The following AKAP13 variants were observed in gnomAD, a reference collection of about 807,000 sequenced individuals.
The protein encoded by AKAP13 is A-kinase anchor protein 13.
A neutral mutation model predicts 264.5 loss-of-function variants in AKAP13; 80 were observed. That is an observed-to-expected ratio of 0.30 (90% CI 0.25 to 0.36). AKAP13 has a LOEUF of 0.36. Among genes scored for constraint, AKAP13 ranks in the 10% least tolerant of loss-of-function variants. AKAP13 has a pLI of 1.00. For synonymous variants in AKAP13, 1,380 were observed against 1,250.2 expected, an observed-to-expected ratio of 1.10 and a Z score of -2.19; for missense variants, 3,712 against 3,435.2, an observed-to-expected ratio of 1.08 and a Z score of -2.01.
Position 85,615,848 on chromosome 15 carries a change from G to A in AKAP13, c.4162-23526G>A, listed in dbSNP as rs187771275. On this transcript the variant is annotated intron_variant, in intron 8 of 36. Transcript: ENST00000394518. ...GCAGTATATAATATTAGAGCAAGAAGGATCTTCAGATATGACCTAGCGTTG... is the reference window on the plus strand; with the variant it reads ...GCAGTATATAATATTAGAGCAAGAAAGATCTTCAGATATGACCTAGCGTTG... Among the ~76,000 whole-genome samples, 8 of 152,286 alleles carry A rather than the reference G, an allele frequency of 5.3e-5. No homozygotes were observed. In the East Asian group the frequency reaches 1.5e-3, roughly 29 times the overall value.
intron 5 of AKAP13, among the ~76,000 whole-genome samples, chr15:85,565,217 A>G (rs1462250920): frequency 1.3e-5 from 2 of 151,010 alleles, no homozygotes; most frequent in Admixed American, 1.3e-4. Context: ...TCGTTTATTC[A>G]GGGTGATAGT....
chr15:85,498,171 G>A (rs796277265), intron 2 of AKAP13, among the ~76,000 whole-genome samples: 2 of 139,046 alleles, frequency 1.4e-5, no homozygotes, highest in African/African-American at 5.4e-5. Context: ...TTACAACAAT[G>A]TGTGGTAGTA....
intron 16 of AKAP13, chr15:85,690,152 A>G (rs976294883): frequency 6.6e-6 from 1 of 152,292 alleles, no homozygotes; most frequent in Non-Finnish European, 1.5e-5. Flanking sequence ...AAACACAGAA[A>G]GAGCCAGTGG....
intron 14 of AKAP13, among the ~76,000 whole-genome samples, chr15:85,678,994 CTT>C (rs1184656277): frequency 1.3e-5 from 2 of 151,948 alleles, no homozygotes; most frequent in Non-Finnish European, 2.9e-5. Context: ...AATCCCAGCA[CTT>C]TTGGGAGACT....
rs531038721 is a variant in AKAP13 at position 85,685,505 on chromosome 15, T to G, written c.5289+632T>G. ...GTGTGTGTGTCTGTGTGTGTGTGTG[T>G]GTAAGGCTCCACTGTATCACCCAGG... On this transcript the variant is annotated intron_variant, in intron 16 of 36. Transcript: ENST00000394518. 3.9e-5 allele frequency: 6 copies of G among 152,080 alleles called. No individual in the cohort carries two copies. The South Asian group carries it at 1.3e-3, about 32-fold the overall frequency. The allele number at this position is 152,080 out of a possible 1,614,324, so 9.4% of individuals were successfully genotyped here. A position where few individuals can be genotyped will look rare whatever the true frequency, so the allele number is the denominator to read the frequency against.
Position 85,617,456 on chromosome 15 carries a change from G to A in AKAP13, c.4162-21918G>A, listed in dbSNP as rs578156827. On this transcript the variant is annotated intron_variant, in intron 8 of 36. Coordinates refer to ENST00000394518, the MANE Select transcript of AKAP13 (RefSeq NM_007200.5). ...ATGGGGGTTTCGCCATGTTGGCCAC[G>A]ATCTGGATCTCTTGACCTCATGATC... 1.4e-4 allele frequency among the ~76,000 whole-genome samples: 21 copies of A among 152,250 alleles called. 1 individual carries two copies. The highest frequency in any genetic ancestry group is 1.2e-3 in the South Asian group (6 of 4,826).
intron 1 of AKAP13, among the ~76,000 whole-genome samples, chr15:85,477,943 T>A (rs1316151285): frequency 6.6e-6 from 1 of 152,196 alleles, no homozygotes. Context: ...CTCACTGTGC[T>A]GTCATATCTG....
At position 85,581,457 on chromosome 15, in the gene AKAP13, T is replaced by C. The variant is rs1367951959; in HGVS notation, c.3389T>C (p.Leu1130Pro). 4 of 1,614,200 alleles carry C rather than the reference T, an allele frequency of 2.5e-6. No individual in the cohort carries two copies. Reference protein sequence around the residue: ...VLLSQEKNAVLGLPVALQDKA... With the variant: ...VLLSQEKNAVPGLPVALQDKA... ...TTGAGCCAAGAGAAGAATGCCGTTC[T>C]AGGTTTGCCAGTGGCTCTACAGGAC... Residue 1130 changes from leucine to proline, a missense_variant, in exon 7 of 37, where the codon CTA (leucine) becomes CCA (proline). This residue lies in a region of AKAP13 where 2,759 missense variants were observed against 2,411.7 expected (regional missense o/e 1.14). Transcript: ENST00000394518.
Position 85,718,882 on chromosome 15 carries a change from G to C in AKAP13, c.6002-194G>C. The C allele has an allele frequency of 1.5e-6, 1 of 657,184 alleles. No individual in the cohort carries two copies. The highest frequency in any genetic ancestry group is 2.0e-5 in the South Asian group (1 of 50,402). The allele number at this position is 657,184 out of a possible 1,614,324, so 40.7% of individuals were successfully genotyped here. A position where few individuals can be genotyped will look rare whatever the true frequency, so the allele number is the denominator to read the frequency against. The stretch of plus-strand genomic sequence containing the variant: ...AGCCTGCACTTCAGCCTGGGTGACA[G>C]AGCCAGAACCTGTCTTAAAAAAAAA... On this transcript the variant is annotated intron_variant, in intron 22 of 36. Coordinates refer to ENST00000394518, the MANE Select transcript of AKAP13 (RefSeq NM_007200.5). The surrounding 1 kb of genome is among the most constrained non-coding windows in gnomAD (Gnocchi z 4.9).
intron 14 of AKAP13, among the ~76,000 whole-genome samples, chr15:85,674,471 G>A (rs1349745344): frequency 6.6e-6 from 1 of 152,112 alleles, no homozygotes; most frequent in Non-Finnish European, 1.5e-5. Flanking sequence ...CTGACCCCAA[G>A]CATTTCAGAA....
At chr15:85,701,621 T>C (rs1468726084) in intron 17 of AKAP13, among the ~76,000 whole-genome samples, 4 of 150,270 alleles carry the variant, frequency 2.7e-5, no homozygotes, top group African/African-American at 9.8e-5. Context: ...TTTTTGTATT[T>C]TTATTAGAGT....
chr15:85,533,497 G>C, intron 3 of AKAP13, 87 bp from the exon 4 acceptor site: 5 of 1,282,478 alleles, frequency 3.9e-6, no homozygotes, highest in Non-Finnish European at 5.2e-6. Flanking sequence ...TTTGTATGTC[G>C]TGAAATAAGA....
chr15:85,573,893 G>A (rs558015285), intron 5 of AKAP13, among the ~76,000 whole-genome samples: 90 of 152,340 alleles, frequency 5.9e-4, no homozygotes, highest in African/African-American at 2.0e-3. Flanking sequence ...GGCAGTATCC[G>A]TGTGTGATTT....
Position 85,629,763 on chromosome 15 carries a change from C to CGTTTT in AKAP13, c.4162-9611_4162-9610insGTTTT, listed in dbSNP as rs1567164100. ...AGAAATATAATGAGTTCCTTTACAG[C>CGTTTT]CTTTTTTTTTTTTTTTTTTTTTTTT... On this transcript the variant is annotated intron_variant, in intron 8 of 36. Coordinates refer to ENST00000394518, the MANE Select transcript of AKAP13 (RefSeq NM_007200.5). Among the ~76,000 whole-genome samples, 23 of 76,162 alleles carry CGTTTT rather than the reference C, an allele frequency of 3.0e-4. 1 individual carries two copies. Among genetic ancestry groups the CGTTTT allele is most frequent in the Non-Finnish European group, 1.8e-4 (6 of 34,270 alleles). 50.0% of individuals were successfully genotyped at this position (76,162 alleles called of 152,430 possible).
chr15:85,530,613 A>G (rs918873338), intron 3 of AKAP13, among the ~76,000 whole-genome samples: 7 of 152,184 alleles, frequency 4.6e-5, no homozygotes, highest in Non-Finnish European at 1.0e-4. Flanking sequence ...TTTGACATTT[A>G]TTGACATTTA....
chr15:85,385,433 C>G (rs2070508210), intron 1 of AKAP13, among the ~76,000 whole-genome samples: 1 of 152,112 alleles, frequency 6.6e-6, no homozygotes, highest in African/African-American at 2.4e-5. Context: ...TTTAGTGTAA[C>G]ATTCTCTGAG....
At chr15:85,539,053 G>C (rs1241362099) in intron 4 of AKAP13, among the ~76,000 whole-genome samples, 1 of 151,398 alleles carries the variant, frequency 6.6e-6, no homozygotes, top group South Asian at 2.1e-4. Context: ...GGATGGTCTC[G>C]ATCTCCTGAT....
chr15:85,632,202 A>C (rs1391136845), intron 8 of AKAP13, among the ~76,000 whole-genome samples: 20 of 151,990 alleles, frequency 1.3e-4, no homozygotes, highest in Admixed American at 1.3e-3. Context: ...TAAATGTATT[A>C]CTCATTGCAT....
intron 29 of AKAP13, among the ~76,000 whole-genome samples, chr15:85,729,965 C>CA (rs368432438): frequency 0.057 from 8,324 of 145,080 alleles, 296 homozygotes; most frequent in South Asian, 0.079. Context: ...AAAACAAAAA[C>CA]AAAAAAAAAA....
Sources: gnomAD v4.1 joint callset for allele counts (sites outside exome capture counted in the v4.1 genomes callset) on GRCh38, gnomAD v4.1.1 for gene constraint, gnomAD v4.1.1 regional missense constraint, Gnocchi (gnomAD v3.1) non-coding constraint, MANE v1.5 for transcripts, NCBI Gene and HGNC (gene_info 2026-07-23, HGNC 2026-07-21) for gene names.